The following WASHC2A variants were observed in gnomAD, a reference collection of about 807,000 sequenced individuals.
WASHC2A encodes WASH complex subunit FAM21A.
WASHC2A carries 82 observed loss-of-function variants against 140.3 expected under a neutral mutation model. That is an observed-to-expected ratio of 0.58 (90% CI 0.49 to 0.70). The LOEUF (loss-of-function observed/expected upper bound fraction) is 0.70. WASHC2A is among the 30% of genes least tolerant of loss of function. The pLI is 0.00. For missense variants in WASHC2A, 985 were observed against 1,521.8 expected (o/e 0.65, Z 5.87); for synonymous variants, 340 against 560.8 (o/e 0.61, Z 5.56).
At chr10:50,083,743 G>T (rs1839141173) in intron 5 of WASHC2A, among the ~76,000 whole-genome samples, 1 of 114,416 alleles carries the variant, frequency 8.7e-6, no homozygotes, top group Admixed American at 8.4e-5. Flanking sequence ...ATTTTTAGTA[G>T]AGACGGGGTT....
At position 50,079,640 on chromosome 10, in the gene WASHC2A, C is replaced by T. The variant is rs1343091461; in HGVS notation, c.354+903C>T. On this transcript the variant is annotated intron_variant, in intron 4 of 30. Coordinates refer to ENST00000282633, the MANE Select transcript of WASHC2A (RefSeq NM_001005751.3). ...TCTCAAACTCCTGACCTCAAATGAT[C>T]CGCCAGCCTTGGCCTACCAAAGTGC... Among the ~76,000 whole-genome samples, 187 of 152,362 alleles carry T rather than the reference C, an allele frequency of 1.2e-3. 2 individuals are homozygous for T. Among genetic ancestry groups the T allele is most frequent in the African/African-American group, 4.4e-3 (183 of 41,580 alleles).
Position 50,125,009 on chromosome 10 carries a change from CAGCTGCAGGGG to C in WASHC2A, c.2479-102_2479-92del, listed in dbSNP as rs2133059685. On this transcript the variant is annotated intron_variant, in intron 23 of 30. Transcript: ENST00000282633. ...TGGCCAGCCTTTTGCTAATATAATA[CAGCTGCAGGGG>C]ACATCTTTGTTGTGTCCATCTTTAC... 2.1e-6 allele frequency: 3 copies of C among 1,411,116 alleles called. No homozygotes were observed. The East Asian group carries it at 7.2e-5, about 34-fold the overall frequency. 87.4% of individuals were successfully genotyped at this position (1,411,116 alleles called of 1,614,324 possible).
intron 17 of WASHC2A, among the ~76,000 whole-genome samples, chr10:50,102,994 G>A (rs1190997082): frequency 9.2e-5 from 14 of 151,722 alleles, no homozygotes; most frequent in Admixed American, 3.9e-4. Flanking sequence ...AGCCTCCTGA[G>A]TAGCTGAGAT....
At chr10:50,099,665 A>G (rs1368271276) in intron 16 of WASHC2A, among the ~76,000 whole-genome samples, 1 of 136,498 alleles carries the variant, frequency 7.3e-6, no homozygotes, top group Non-Finnish European at 1.5e-5. Context: ...CCGACCACCT[A>G]AGGCCCAGCA....
chr10:50,112,111 A>AC (rs1842340196), intron 20 of WASHC2A: 2 of 984,764 alleles, frequency 2.0e-6, no homozygotes, highest in Admixed American at 6.2e-5. Flanking sequence ...CCACCTTCAT[A>AC]CCCCAACACC....
At chr10:50,102,544 T>C (rs1463940788) in intron 17 of WASHC2A, among the ~76,000 whole-genome samples, 1 of 152,096 alleles carries the variant, frequency 6.6e-6, no homozygotes, top group Admixed American at 6.5e-5. Flanking sequence ...TTGTGGCCTC[T>C]TCTATCTAAA....
chr10:50,109,951 T>A, intron 19 of WASHC2A, 150 bp from the exon 20 acceptor site: 1 of 1,109,592 alleles, frequency 9.0e-7, no homozygotes, highest in Middle Eastern at 3.0e-4. Flanking sequence ...CTTGTATTTT[T>A]AGTAGAGACG....
chr10:50,074,607 A>G (rs1838130467), intron 3 of WASHC2A, among the ~76,000 whole-genome samples: 2 of 152,120 alleles, frequency 1.3e-5, no homozygotes, highest in Admixed American at 1.3e-4. Context: ...TCCCATGCAG[A>G]CATCAGGCTT....
At chr10:50,100,745 G>A (rs1217587081) in intron 17 of WASHC2A, among the ~76,000 whole-genome samples, 13 of 152,204 alleles carry the variant, frequency 8.5e-5, no homozygotes, top group Non-Finnish European at 1.9e-4. Flanking sequence ...TAGCAGATGG[G>A]TTCTGGCATA....
intron 30 of WASHC2A, 35 bp downstream of exon 30, chr10:50,131,113 T>C: frequency 6.2e-7 from 1 of 1,612,006 alleles, no homozygotes; most frequent in Non-Finnish European, 8.5e-7. Flanking sequence ...CCTAGAGAAT[T>C]CTTACCTTTC....
chr10:50,131,339 C>T, intron 30 of WASHC2A: 1 of 642,298 alleles, frequency 1.6e-6, no homozygotes, highest in Non-Finnish European at 2.8e-6. Flanking sequence ...GATCTCAGTG[C>T]ACCTCACCAA....
chr10:50,090,749 T>C, intron 8 of WASHC2A, 27 bp from the exon 9 acceptor site: 1 of 1,586,626 alleles, frequency 6.3e-7, no homozygotes, highest in East Asian at 2.2e-5. Flanking sequence ...TAACTAGTAG[T>C]TCTAATTTGG....
At chr10:50,113,584 G>A (rs1230678521) in intron 20 of WASHC2A, among the ~76,000 whole-genome samples, 7 of 151,150 alleles carry the variant, frequency 4.6e-5, no homozygotes, top group African/African-American at 1.5e-4. Flanking sequence ...GGGAGAGAAT[G>A]TTCTGCTTGG....
Position 50,133,208 on chromosome 10 carries a change from T to C in WASHC2A, c.*263T>C, listed in dbSNP as rs1253807870. The stretch of plus-strand genomic sequence containing the variant: ...AGTTAGCCTTGCTGGGGCCATAATA[T>C]GCTTCAGGGTGTGTAAAAGAAGAAA... On this transcript the variant is annotated 3_prime_UTR_variant, in exon 31 of 31. Transcript: ENST00000282633. 4.4e-5 allele frequency: 26 copies of C among 595,420 alleles called. No individual in the cohort carries two copies. Among genetic ancestry groups the C allele is most frequent in the Non-Finnish European group, 6.4e-5 (21 of 329,904 alleles). The allele number at this position is 595,420 out of a possible 1,614,324, so 36.9% of individuals were successfully genotyped here.
chr10:50,126,195 T>C lies in WASHC2A; in HGVS notation c.2811+16T>C. 6.2e-7 allele frequency: 1 copy of C among 1,613,038 alleles called. No homozygotes were observed. The highest frequency in any genetic ancestry group is 8.5e-7 in the Non-Finnish European group (1 of 1,179,698). ...AACACCTCAGGTTAGAAATCCTCTT[T>C]AAGGATTTTCAGCTCTTGTTTGCAT... On this transcript the variant is annotated intron_variant, in intron 26 of 30. Transcript: ENST00000282633.
chr10:50,099,108 G>A lies in WASHC2A; in HGVS notation c.1549-870G>A, dbSNP rs537380671. Among the ~76,000 whole-genome samples the A allele has an allele frequency of 2.3e-4, 35 of 151,984 alleles. No individual in the cohort carries two copies. The East Asian group carries it at 3.5e-3, about 15-fold the overall frequency. On this transcript the variant is annotated intron_variant, in intron 16 of 30. Transcript: ENST00000282633. ...TTCTTGACTCAGTTAATCTGTTAGC[G>A]GGCACAAACCACTATTTTTTTAATT... is the stretch of plus-strand genomic sequence containing the variant.
chr10:50,128,800 T>G (rs1347484353), intron 28 of WASHC2A, among the ~76,000 whole-genome samples: 1 of 152,172 alleles, frequency 6.6e-6, no homozygotes, highest in Non-Finnish European at 1.5e-5. Flanking sequence ...TCATAAATAC[T>G]GCATCATTGC....
intron 20 of WASHC2A, among the ~76,000 whole-genome samples, chr10:50,110,892 CAA>C (rs1239943523): frequency 0.21 from 14,144 of 68,334 alleles, 343 homozygotes; most frequent in Middle Eastern, 0.3. Flanking sequence ...GACTCCATCT[CAA>C]AAAAAAAAAA....
In WASHC2A at chr10:50,068,210, C is replaced by T. The variant is rs1837460929; in HGVS notation, c.109C>T (p.Leu37=). ...EIRRSSQSWS[L]AADAGLLQFL... ...CCGCAGGAGCAGCCAGAGCTGGTCG[C>T]TGGCGGCCGACGCGGGCGTGAGAGG... The change falls in exon 2 of 31, where the codon CTG becomes TTG. Residue 37 remains leucine, a synonymous_variant. Coordinates refer to ENST00000282633, the MANE Select transcript of WASHC2A (RefSeq NM_001005751.3). 6.3e-7 allele frequency: 1 copy of T among 1,586,038 alleles called. No individual in the cohort carries two copies. Among genetic ancestry groups the T allele is most frequent in the South Asian group, 1.1e-5 (1 of 89,122 alleles).
Sources: gnomAD v4.1 joint callset for allele counts (sites outside exome capture counted in the v4.1 genomes callset) on GRCh38, gnomAD v4.1.1 for gene constraint, MANE v1.5 for transcripts, NCBI Gene and HGNC (gene_info 2026-07-23, HGNC 2026-07-21) for gene names.